Variants in KLHL6 observed in about 807,000 individuals in gnomAD.
KLHL6 encodes the protein kelch-like protein 6.
Under a neutral mutation model 58.6 loss-of-function variants are expected in KLHL6, and 41 were observed. The ratio of observed to expected loss-of-function variants is 0.70; its 90% confidence interval spans 0.55 to 0.91. The LOEUF (loss-of-function observed/expected upper bound fraction) is 0.91. Among genes scored for constraint, KLHL6 ranks in the 40% least tolerant of loss-of-function variants. The probability of loss-of-function intolerance (pLI) is 0.00; values close to 1 mark genes in which losing one functional copy is unlikely to be tolerated. For synonymous variants in KLHL6, 338 were observed against 322.7 expected (o/e 1.05, Z -0.51); for missense variants, 714 against 805.6 (o/e 0.89, Z 1.38).
chr3:183,543,047 C>G (rs973300783), intron 1 of KLHL6, among the ~76,000 whole-genome samples: 1 of 152,184 alleles, frequency 6.6e-6, no homozygotes, highest in Non-Finnish European at 1.5e-5. Flanking sequence ...AATCCCAGCA[C>G]TTTGGGAGGC....
Position 183,491,896 on chromosome 3 carries a change from CG to C in KLHL6, c.*30del, listed in dbSNP as rs761809848. On this transcript the variant is annotated 3_prime_UTR_variant, in exon 7 of 7. Transcript: ENST00000341319. ...GAGGTGAGGCGGGTACGCTGAGGGT[CG>C]GGGGGGCTCTCCAGCTCCCCATCCT... 18 of 1,453,798 alleles carry C rather than the reference CG, an allele frequency of 1.2e-5. No individual in the cohort carries two copies. Among genetic ancestry groups the C allele is most frequent in the South Asian group, 6.0e-5 (4 of 67,148 alleles). The allele number at this position is 1,453,798 out of a possible 1,614,324, so 90.1% of individuals were successfully genotyped here.
At chr3:183,546,280 C>T (rs1247369181) in intron 1 of KLHL6, among the ~76,000 whole-genome samples, 3 of 152,246 alleles carry the variant, frequency 2.0e-5, no homozygotes, top group Non-Finnish European at 4.4e-5. Flanking sequence ...GTGTAGTTTT[C>T]ATGATACTTT....
intron 1 of KLHL6, among the ~76,000 whole-genome samples, chr3:183,537,933 G>C (rs979382283): frequency 4.6e-5 from 7 of 152,074 alleles, no homozygotes; most frequent in African/African-American, 1.2e-4. Context: ...GCTCAGCACT[G>C]TATCTAGGGG....
At chr3:183,528,089 C>G in intron 1 of KLHL6, 79 bp from the exon 2 acceptor site, 1 of 1,498,736 alleles carries the variant, frequency 6.7e-7, no homozygotes, top group Non-Finnish European at 9.2e-7. Flanking sequence ...TCAGACTCAT[C>G]AGGCCCTCAC....
chr3:183,539,942 CAAGA>C (rs970820772), intron 1 of KLHL6, among the ~76,000 whole-genome samples: 7 of 152,128 alleles, frequency 4.6e-5, no homozygotes, highest in African/African-American at 1.7e-4. Flanking sequence ...CAAGATCAGA[CAAGA>C]AAGAACATCA....
intron 2 of KLHL6, among the ~76,000 whole-genome samples, chr3:183,527,281 C>G (rs2108685038): frequency 6.6e-6 from 1 of 152,216 alleles, no homozygotes; most frequent in East Asian, 1.9e-4. Context: ...TAGTTTTAAA[C>G]TTTTGTACAT....
chr3:183,545,347 G>T (rs1712684902), intron 1 of KLHL6, among the ~76,000 whole-genome samples: 1 of 152,184 alleles, frequency 6.6e-6, no homozygotes, highest in Non-Finnish European at 1.5e-5. Context: ...GGACTGTTTG[G>T]TGCTTACCAT....
intron 2 of KLHL6, among the ~76,000 whole-genome samples, 184 bp from the exon 3 acceptor site, chr3:183,508,692 G>A (rs976446170): frequency 2.0e-5 from 3 of 152,136 alleles, no homozygotes; most frequent in African/African-American, 2.4e-5. Flanking sequence ...CTTACTGGAC[G>A]AGCTAAATAC....
chr3:183,491,339 C>T lies in KLHL6; in HGVS notation c.*588G>A, dbSNP rs1717546400. On this transcript the variant is annotated 3_prime_UTR_variant, in exon 7 of 7. Coordinates refer to ENST00000341319, the MANE Select transcript of KLHL6 (RefSeq NM_130446.4). ...TGTTGGCCAGGCTGGTCTTGAACTC[C>T]TGACCTCAGGTCATCCGCCCGCCTC... is the stretch of plus-strand genomic sequence containing the variant. The T allele has an allele frequency of 6.6e-6, 1 of 152,332 alleles. No homozygotes were observed. Among genetic ancestry groups the T allele is most frequent in the African/African-American group, 2.4e-5 (1 of 41,470 alleles). The allele number at this position is 152,332 out of a possible 1,614,324, so 9.4% of individuals were successfully genotyped here.
Position 183,499,049 on chromosome 3 carries a change from A to G in KLHL6, c.1147+541T>C, listed in dbSNP as rs922972426. Among the ~76,000 whole-genome samples the G allele has an allele frequency of 7.9e-5, 12 of 152,210 alleles. No individual in the cohort carries two copies. The highest frequency in any genetic ancestry group is 1.8e-4 in the Non-Finnish European group (12 of 68,038). On this transcript the variant is annotated intron_variant, in intron 4 of 6. Coordinates refer to ENST00000341319, the MANE Select transcript of KLHL6 (RefSeq NM_130446.4). This position sits in a 1 kb window ranked among gnomAD's most constrained non-coding sequence, Gnocchi z 4.6. ...CCTCCTCCCCAGGTTTTCTATTAAT[A>G]GTACAACGCTGGCCGGACGAGGTGG...
chr3:183,492,301 C>A lies in KLHL6; in HGVS notation c.1565-73G>T, dbSNP rs931727504. 1.4e-6 allele frequency: 2 copies of A among 1,419,942 alleles called. No individual in the cohort carries two copies. The highest frequency in any genetic ancestry group is 1.9e-6 in the Non-Finnish European group (2 of 1,056,730). The allele number at this position is 1,419,942 out of a possible 1,614,324, so 88.0% of individuals were successfully genotyped here. A position where few individuals can be genotyped will look rare whatever the true frequency, so the allele number is the denominator to read the frequency against. The stretch of plus-strand genomic sequence containing the variant: ...TTCTTCCCTCTTAACCACTAAAATT[C>A]AACTTCTGATTAGGCCAAGTCTACC... On this transcript the variant is annotated intron_variant, in intron 6 of 6. Transcript: ENST00000341319. The surrounding 1 kb of genome is among the most constrained non-coding windows in gnomAD (Gnocchi z 5.9).
At chr3:183,501,982 A>G (rs1717877199) in intron 3 of KLHL6, among the ~76,000 whole-genome samples, 1 of 152,134 alleles carries the variant, frequency 6.6e-6, no homozygotes, top group Non-Finnish European at 1.5e-5. Context: ...GTGGGCATCT[A>G]TAAACATTGA....
At chr3:183,531,731 C>A (rs1304854036) in intron 1 of KLHL6, among the ~76,000 whole-genome samples, 1 of 152,200 alleles carries the variant, frequency 6.6e-6, no homozygotes, top group Non-Finnish European at 1.5e-5. Context: ...CAGGCGTGAG[C>A]CACCGTGCCC....
chr3:183,534,950 A>ATATATTTTTTT (rs1356557331), intron 1 of KLHL6, among the ~76,000 whole-genome samples: 1 of 96,738 alleles, frequency 1.0e-5, no homozygotes, highest in African/African-American at 3.0e-5. Flanking sequence ...ATATATATAT[A>ATATATTTTTTT]TTTTTTTTTT....
chr3:183,495,579 C>CA (rs11459693), intron 4 of KLHL6, among the ~76,000 whole-genome samples: 60,319 of 142,532 alleles, frequency 0.42, 12,803 homozygotes, highest in East Asian at 0.78. Context: ...TATTTTAGGA[C>CA]AAAAAAAAAA....
rs1360208687 is a variant in KLHL6 at position 183,508,061 on chromosome 3, C to A, written c.907G>T (p.Glu303Ter). The A allele has an allele frequency of 6.2e-7, 1 of 1,613,118 alleles. No individual in the cohort carries two copies. Among genetic ancestry groups the A allele is most frequent in the Non-Finnish European group, 8.5e-7 (1 of 1,179,184 alleles). The stretch of plus-strand genomic sequence containing the variant: ...AGCACCTCTTATCTTCTACTCACCT[C>A]ATTGCCAGAAAGGTGGTACATCCTG... Reference protein sequence around the residue: ...EARMYHLSGNEIISERTKPRM... With the variant: ...EARMYHLSGN Residue 303 changes from glutamate (E) to a stop codon, truncating the protein, a stop_gained and splice_region_variant, in exon 3 of 7, where the codon GAG becomes TAG. Transcript: ENST00000341319. LOFTEE classifies it high-confidence loss of function.
intron 1 of KLHL6, 54 bp downstream of exon 1, chr3:183,555,307 C>T (rs1233703976): frequency 6.6e-7 from 1 of 1,515,024 alleles, no homozygotes; most frequent in Non-Finnish European, 9.1e-7. Flanking sequence ...CACACTAACA[C>T]ACCTCTTCCT....
At chr3:183,496,034 A>G (rs1251288326) in intron 4 of KLHL6, among the ~76,000 whole-genome samples, 4 of 152,218 alleles carry the variant, frequency 2.6e-5, no homozygotes, top group Non-Finnish European at 5.9e-5. Flanking sequence ...TGGAAAATGT[A>G]TAGGATATTA....
At position 183,492,291 on chromosome 3, in the gene KLHL6, C is replaced by T. The variant is rs1717584483; in HGVS notation, c.1565-63G>A. 5.6e-6 allele frequency: 8 copies of T among 1,440,704 alleles called. No homozygotes were observed. Among genetic ancestry groups the T allele is most frequent in the Middle Eastern group, 2.0e-4 (1 of 4,976 alleles). 89.2% of individuals were successfully genotyped at this position (1,440,704 alleles called of 1,614,324 possible). A position where few individuals can be genotyped will look rare whatever the true frequency, so the allele number is the denominator to read the frequency against. ...TTTTTCTGGTTTCTTCCCTCTTAAC[C>T]ACTAAAATTCAACTTCTGATTAGGC... On this transcript the variant is annotated intron_variant, in intron 6 of 6. Transcript: ENST00000341319. This position sits in a 1 kb window ranked among gnomAD's most constrained non-coding sequence, Gnocchi z 5.9.
Sources: gnomAD v4.1 joint callset for allele counts (sites outside exome capture counted in the v4.1 genomes callset) on GRCh38, gnomAD v4.1.1 for gene constraint, Gnocchi (gnomAD v3.1) non-coding constraint, MANE v1.5 for transcripts, NCBI Gene and HGNC (gene_info 2026-07-23, HGNC 2026-07-21) for gene names.